Variants in UBE3D observed in about 807,000 individuals in gnomAD.
The protein encoded by UBE3D is E3 ubiquitin-protein ligase E3D.
In UBE3D, 48 loss-of-function variants were observed where a neutral mutation model predicts 49.6. The ratio of observed to expected loss-of-function variants is 0.97; its 90% CI spans 0.77 to 1.23. The LOEUF is 1.23. UBE3D is among the 50% of genes most tolerant of loss of function. The probability of loss-of-function intolerance (pLI) is 0.00; values close to 1 mark genes in which losing one functional copy is unlikely to be tolerated. For synonymous variants in UBE3D, 189 were observed against 174.2 expected (o/e 1.08, Z -0.67); for missense variants, 452 against 468.4 (o/e 0.96, Z 0.32).
In UBE3D at chr6:83,058,038, A is replaced by G. The variant is rs1783928636; in HGVS notation, c.78-16T>C. On this transcript the variant is annotated splice_polypyrimidine_tract_variant and intron_variant, in intron 1 of 9. Coordinates refer to ENST00000369747, the MANE Select transcript of UBE3D (RefSeq NM_198920.3). ...TTTCGGTTCTCTGGTAATTAAAAAC[A>G]AAACCCAAACAAATTATTTCTCACA... is the stretch of plus-strand genomic sequence containing the variant. 2 of 1,612,546 alleles carry G rather than the reference A, an allele frequency of 1.2e-6. No individual in the cohort carries two copies. The highest frequency in any genetic ancestry group is 4.5e-5 in the East Asian group (2 of 44,868).
At chr6:83,058,290 T>C (rs1251565388) in intron 1 of UBE3D, among the ~76,000 whole-genome samples, 1 of 152,228 alleles carries the variant, frequency 6.6e-6, no homozygotes, top group African/African-American at 2.4e-5. Context: ...ACTAAAATAA[T>C]GTTTTATAGT....
the UBE3D span, among the ~76,000 whole-genome samples, chr6:82,887,222 G>C: frequency 6.6e-6 from 1 of 151,126 alleles, no homozygotes; most frequent in Non-Finnish European, 1.5e-5. Flanking sequence ...GGGAGGCTGA[G>C]GCAGGAGAAT....
chr6:83,055,105 T>C (rs971876516), intron 2 of UBE3D, among the ~76,000 whole-genome samples: 5 of 150,466 alleles, frequency 3.3e-5, no homozygotes, highest in African/African-American at 1.2e-4. Context: ...AAAATCAATT[T>C]CTAATGAAAG....
At chr6:82,896,901 C>T (rs185481716) in intron 9 of UBE3D, among the ~76,000 whole-genome samples, 49 of 151,862 alleles carry the variant, frequency 3.2e-4, no homozygotes, top group Non-Finnish European at 6.5e-4. Flanking sequence ...GCCACCATGC[C>T]GGCTAATTTT....
chr6:82,935,536 C>G (rs1411393221), intron 9 of UBE3D, among the ~76,000 whole-genome samples: 2 of 152,180 alleles, frequency 1.3e-5, no homozygotes, highest in East Asian at 3.9e-4. Flanking sequence ...TTTTATAGAA[C>G]TACTTAAAGA....
chr6:83,032,678 C>A (rs1342369480), intron 5 of UBE3D, among the ~76,000 whole-genome samples: 2 of 152,006 alleles, frequency 1.3e-5, no homozygotes, highest in East Asian at 3.9e-4. Flanking sequence ...TGGCTGTGTC[C>A]CCACCCAAAT....
At chr6:82,936,062 G>A (rs1394660267) in intron 9 of UBE3D, among the ~76,000 whole-genome samples, 1 of 151,848 alleles carries the variant, frequency 6.6e-6, no homozygotes, top group African/African-American at 2.4e-5. Context: ...TGAGAGGGTG[G>A]AATGTGCCTA....
intron 2 of UBE3D, among the ~76,000 whole-genome samples, chr6:83,056,032 G>A (rs1196932213): frequency 3.3e-5 from 5 of 152,100 alleles, no homozygotes; most frequent in Admixed American, 6.5e-5. Flanking sequence ...AGATATTTGA[G>A]CAAAATATAT....
At chr6:82,938,780 C>T (rs1200308958) in intron 9 of UBE3D, 1 of 152,126 alleles carries the variant, frequency 6.6e-6, no homozygotes, top group Non-Finnish European at 1.5e-5. Flanking sequence ...TTTTTGGGCT[C>T]TACTTCAGGG....
intron 9 of UBE3D, among the ~76,000 whole-genome samples, chr6:82,898,068 A>T (rs1239975080): frequency 6.6e-6 from 1 of 151,052 alleles, no homozygotes; most frequent in East Asian, 1.9e-4. Context: ...GCCAACAAAC[A>T]TATGAGAAAA....
Position 83,034,132 on chromosome 6 carries a change from A to G in UBE3D, c.667+4284T>C, listed in dbSNP as rs570591628. On this transcript the variant is annotated intron_variant, in intron 5 of 9. Transcript: ENST00000369747. ...CCAGTTTTGTACATGTTTTCTACAG[A>G]ATAAAATTGCCCATTCTCTTCATGA... 9.7e-4 allele frequency among the ~76,000 whole-genome samples: 147 copies of G among 152,304 alleles called. 1 individual carries two copies. Among genetic ancestry groups the G allele is most frequent in the African/African-American group, 3.0e-3 (124 of 41,578 alleles).
At chr6:83,034,467 G>A (rs1782098597) in intron 5 of UBE3D, among the ~76,000 whole-genome samples, 1 of 151,948 alleles carries the variant, frequency 6.6e-6, no homozygotes, top group Non-Finnish European at 1.5e-5. Context: ...GTCGTCACAT[G>A]TTGATCTAGT....
chr6:83,050,936 A>T (rs1783429151), intron 3 of UBE3D, among the ~76,000 whole-genome samples: 1 of 152,230 alleles, frequency 6.6e-6, no homozygotes. Flanking sequence ...AGTCAAGTCC[A>T]CTGTTTCTCA....
chr6:82,969,946 G>A (rs1298661066), intron 8 of UBE3D, among the ~76,000 whole-genome samples: 1 of 151,256 alleles, frequency 6.6e-6, no homozygotes, highest in Non-Finnish European at 1.5e-5. Flanking sequence ...AAGTCAAAAT[G>A]GTGTTAATAT....
intron 8 of UBE3D, among the ~76,000 whole-genome samples, chr6:83,009,800 G>C (rs2127757280): frequency 6.7e-6 from 1 of 148,636 alleles, no homozygotes; most frequent in African/African-American, 2.5e-5. Context: ...ATAGTACAAG[G>C]TTAAAAGAAG....
rs150678784 is a variant in UBE3D at position 83,026,292 on chromosome 6, C to A, written c.668-2254G>T. Among the ~76,000 whole-genome samples the A allele has an allele frequency of 4.6e-3, 700 of 151,902 alleles. 5 individuals are homozygous for A. The highest frequency in any genetic ancestry group is 7.0e-3 in the Non-Finnish European group (477 of 67,952). On this transcript the variant is annotated intron_variant, in intron 5 of 9. Coordinates refer to ENST00000369747, the MANE Select transcript of UBE3D (RefSeq NM_198920.3). ...TGACAGCCTGTCTCTACAAAAAATT[C>A]TTTTAAAAATTAGCCAGGCAGAGTG...
chr6:83,065,563 A>G, intron 1 of UBE3D, 79 bp downstream of exon 1: 3 of 1,361,018 alleles, frequency 2.2e-6, no homozygotes, highest in Non-Finnish European at 3.1e-6. Flanking sequence ...TCCCTCGTAC[A>G]GAGAGAGACT....
At chr6:82,931,121 G>C (rs1774114480) in intron 9 of UBE3D, among the ~76,000 whole-genome samples, 1 of 152,216 alleles carries the variant, frequency 6.6e-6, no homozygotes, top group Non-Finnish European at 1.5e-5. Flanking sequence ...GCTTCAGAGG[G>C]TGCAAGCCCC....
chr6:82,988,059 C>T (rs1778642123), intron 8 of UBE3D, among the ~76,000 whole-genome samples: 1 of 152,046 alleles, frequency 6.6e-6, no homozygotes, highest in Non-Finnish European at 1.5e-5. Flanking sequence ...AAAAATACAA[C>T]AGTACTCATA....
Sources: gnomAD v4.1 joint callset for allele counts (sites outside exome capture counted in the v4.1 genomes callset) on GRCh38, gnomAD v4.1.1 for gene constraint, MANE v1.5 for transcripts, NCBI Gene and HGNC (gene_info 2026-07-23, HGNC 2026-07-21) for gene names.